The following HSF2 variants were observed in gnomAD, a reference collection of about 807,000 sequenced individuals.
The protein encoded by HSF2 is heat shock transcription factor 2, also known as heat shock factor protein 2.
HSF2 carries 21 observed loss-of-function variants against 65.0 expected under a neutral mutation model. That is an observed-to-expected ratio of 0.32 (90% CI 0.23 to 0.47). HSF2 has a LOEUF of 0.47. Among genes scored for constraint, HSF2 ranks in the 20% least tolerant of loss-of-function variants. The pLI is 1.00. For missense variants in HSF2, 499 were observed against 628.1 expected, an observed-to-expected ratio of 0.79 and a Z score of 2.20; for synonymous variants, 225 against 219.1, an observed-to-expected ratio of 1.03 and a Z score of -0.24.
intron 8 of HSF2, 87 bp from the exon 9 acceptor site, chr6:122,422,631 G>C (rs1774262196): frequency 7.3e-7 from 1 of 1,374,512 alleles, no homozygotes; most frequent in Non-Finnish European, 1.0e-6. Context: ...GTGGTATGGG[G>C]AGAGAGTTTC....
At chr6:122,409,722 T>A (rs752179815) in intron 1 of HSF2, among the ~76,000 whole-genome samples, 1 of 151,956 alleles carries the variant, frequency 6.6e-6, no homozygotes, top group Non-Finnish European at 1.5e-5. Context: ...CAAAATTGTG[T>A]TTCTGTTAGG....
intron 11 of HSF2, 69 bp from the exon 12 acceptor site, chr6:122,431,361 C>G (rs955301431): frequency 3.0e-6 from 2 of 661,028 alleles, no homozygotes; most frequent in African/African-American, 3.8e-5. Flanking sequence ...CATATTGTAT[C>G]AATTTTTCAT....
intron 5 of HSF2, among the ~76,000 whole-genome samples, chr6:122,418,136 C>T (rs1282686580): frequency 6.6e-6 from 1 of 152,188 alleles, no homozygotes; most frequent in African/African-American, 2.4e-5. Flanking sequence ...ACACTTTCTG[C>T]ACAGAGTCTA....
At chr6:122,426,799 A>G (rs1008200835) in intron 10 of HSF2, among the ~76,000 whole-genome samples, 1 of 152,048 alleles carries the variant, frequency 6.6e-6, no homozygotes, top group Non-Finnish European at 1.5e-5. Flanking sequence ...AGGCTAACTC[A>G]GTGAGTGCAT....
intron 7 of HSF2, 83 bp downstream of exon 7, chr6:122,420,305 G>T: frequency 9.8e-7 from 1 of 1,020,116 alleles, no homozygotes; most frequent in South Asian, 1.8e-5. Context: ...ATTCAAAGAA[G>T]TGTGGTGAAT....
intron 5 of HSF2, among the ~76,000 whole-genome samples, chr6:122,416,951 T>C (rs1268490087): frequency 1.3e-5 from 2 of 152,202 alleles, no homozygotes; most frequent in Non-Finnish European, 2.9e-5. Context: ...GGCAGCTATT[T>C]TTTGCTCATG....
chr6:122,423,619 G>A lies in HSF2; in HGVS notation c.1109G>A (p.Ser370Asn). 6.2e-7 allele frequency: 1 copy of A among 1,610,668 alleles called. No individual in the cohort carries two copies. The highest frequency in any genetic ancestry group is 8.5e-7 in the Non-Finnish European group (1 of 1,178,014). Residue 370 changes from serine to asparagine, a missense_variant, in exon 10 of 13, where the codon AGT (serine) becomes AAT (asparagine). This residue lies in a region of HSF2 where 349 missense variants were observed against 393.5 expected (regional missense o/e 0.89). Transcript: ENST00000368455. The stretch of plus-strand genomic sequence containing the variant: ...GATTATCTTGACAGTATTGACTGCA[G>A]TTTAGAGGACTTCCAGGCCATGCTA... ...LLDYLDSIDC[S>N]LEDFQAMLSG...
chr6:122,415,224 T>C (rs946411147), intron 4 of HSF2, among the ~76,000 whole-genome samples: 4 of 152,234 alleles, frequency 2.6e-5, no homozygotes, highest in African/African-American at 7.2e-5. Context: ...TAGTTTATTA[T>C]TGGATATGCT....
At chr6:122,412,543 T>C (rs960198631) in intron 2 of HSF2, 62 bp downstream of exon 2, 28 of 1,546,212 alleles carry the variant, frequency 1.8e-5, no homozygotes, top group South Asian at 9.0e-5. Context: ...CCATTTTTTT[T>C]CCCATTAGGG....
chr6:122,432,043 TA>T lies in HSF2; in HGVS notation c.1437del (p.Lys479AsnfsTer3). 6.2e-7 allele frequency: 1 copy of T among 1,614,172 alleles called. No individual in the cohort carries two copies. The highest frequency in any genetic ancestry group is 8.5e-7 in the Non-Finnish European group (1 of 1,180,000). ...CATCAGAAGTTTTGTCCTCTGTAGATAAACCCATAGAAGTTGATGAGCTTCT... is the reference window on the plus strand; with the variant it reads ...CATCAGAAGTTTTGTCCTCTGTAGATAACCCATAGAAGTTGATGAGCTTCT... Reference protein sequence around the residue: ...ASSEVLSSVDKPIEVDELLDS... With the variant: ...ASSEVLSSVDXPIEVDELLDS... On this transcript the variant is annotated frameshift_variant, in exon 13 of 13. Transcript: ENST00000368455. LOFTEE classifies it high-confidence loss of function.
At chr6:122,424,819 G>A (rs1774305310) in intron 10 of HSF2, among the ~76,000 whole-genome samples, 1 of 151,906 alleles carries the variant, frequency 6.6e-6, no homozygotes, top group African/African-American at 2.4e-5. Flanking sequence ...CACCAAGAAC[G>A]AAATAAAATT....
intron 1 of HSF2, among the ~76,000 whole-genome samples, chr6:122,405,013 G>A (rs1196543910): frequency 3.9e-5 from 6 of 152,094 alleles, no homozygotes; most frequent in African/African-American, 2.4e-5. Flanking sequence ...ACAGGTATTT[G>A]TTATGAATCT....
In HSF2 at chr6:122,427,848, A is replaced by G; in HGVS notation, c.1177-55A>G. The G allele has an allele frequency of 2.2e-6, 3 of 1,364,250 alleles. No individual in the cohort carries two copies. In the Admixed American group the frequency reaches 5.5e-5, roughly 25 times the overall value. 84.5% of individuals were successfully genotyped at this position (1,364,250 alleles called of 1,614,324 possible). A position where few individuals can be genotyped will look rare whatever the true frequency, so the allele number is the denominator to read the frequency against. ...CATGGCTGTATAAAATTTTGAACAC[A>G]CAATTATTTTTAATTATTTTTTAAA... On this transcript the variant is annotated intron_variant, in intron 10 of 12. Coordinates refer to ENST00000368455, the MANE Select transcript of HSF2 (RefSeq NM_004506.4).
chr6:122,400,213 C>A (rs1773695321), intron 1 of HSF2, among the ~76,000 whole-genome samples: 1 of 152,156 alleles, frequency 6.6e-6, no homozygotes, highest in Admixed American at 6.5e-5. Context: ...TCAGGGGTTA[C>A]AAATCGCGGA....
chr6:122,430,109 A>G (rs1774428650), intron 11 of HSF2, among the ~76,000 whole-genome samples: 1 of 152,220 alleles, frequency 6.6e-6, no homozygotes, highest in South Asian at 2.1e-4. Flanking sequence ...TACCTCTGGT[A>G]GAATTCAGCT....
intron 10 of HSF2, among the ~76,000 whole-genome samples, chr6:122,424,186 C>G (rs967126958): frequency 2.0e-5 from 3 of 150,586 alleles, no homozygotes; most frequent in Non-Finnish European, 4.4e-5. Context: ...CACCACCATC[C>G]CTATGAAGTT....
At chr6:122,427,645 A>C (rs975816261) in intron 10 of HSF2, among the ~76,000 whole-genome samples, 1 of 152,012 alleles carries the variant, frequency 6.6e-6, no homozygotes, top group African/African-American at 2.4e-5. Flanking sequence ...GAAAACCACT[A>C]TTTGTCTCAA....
intron 12 of HSF2, among the ~76,000 whole-genome samples, 175 bp from the exon 13 acceptor site, chr6:122,431,750 A>G (rs1774474757): frequency 6.6e-6 from 1 of 152,036 alleles, no homozygotes; most frequent in Admixed American, 6.6e-5. Context: ...TTGTTGAATA[A>G]GAGCTATTGA....
chr6:122,419,271 G>A, intron 6 of HSF2, 42 bp downstream of exon 6: 1 of 976,548 alleles, frequency 1.0e-6, no homozygotes, highest in Non-Finnish European at 1.6e-6. Flanking sequence ...TATATAGGCA[G>A]TCACACTTTT....
Sources: gnomAD v4.1 joint callset for allele counts (sites outside exome capture counted in the v4.1 genomes callset) on GRCh38, gnomAD v4.1.1 for gene constraint, gnomAD v4.1.1 regional missense constraint, MANE v1.5 for transcripts, NCBI Gene and HGNC (gene_info 2026-07-23, HGNC 2026-07-21) for gene names.